The following IL1RAPL1 variants were observed in gnomAD, a reference collection of about 807,000 sequenced individuals.
The protein encoded by IL1RAPL1 is interleukin 1 receptor accessory protein like 1.
IL1RAPL1 carries 3 observed loss-of-function variants against 48.4 expected under a neutral mutation model. That is an observed-to-expected ratio of 0.06 (90% CI 0.03 to 0.16). The LOEUF is 0.16. Ranked by LOEUF, IL1RAPL1 falls within the 10% of genes least tolerant of loss-of-function variation. The pLI, the probability that IL1RAPL1 is intolerant of heterozygous loss-of-function variation, is 1.00. For missense variants in IL1RAPL1, 349 were observed against 530.6 expected, an observed-to-expected ratio of 0.66 and a Z score of 3.36; for synonymous variants, 185 against 187.7, an observed-to-expected ratio of 0.99 and a Z score of 0.12.
At chrX:29,608,710 C>T (rs1037564015) in intron 5 of IL1RAPL1, among the ~76,000 whole-genome samples, 2 of 99,637 alleles carry the variant, frequency 2.0e-5, no homozygotes, top group African/African-American at 7.7e-5. Context: ...CCTGTAGTCT[C>T]AGCTACTCGG....
At chrX:28,597,055 A>G (rs1933963314) in intron 1 of IL1RAPL1, among the ~76,000 whole-genome samples, 1 of 111,028 alleles carries the variant, frequency 9.0e-6, no homozygotes, top group South Asian at 3.8e-4. Context: ...GAGATCAAAA[A>G]TATACTGTAA....
At chrX:29,846,618 T>C (rs759933688) in intron 6 of IL1RAPL1, among the ~76,000 whole-genome samples, 7 of 109,809 alleles carry the variant, frequency 6.4e-5, no homozygotes, top group South Asian at 7.8e-4. Flanking sequence ...AGATCAGTAA[T>C]GCACTGATAC....
chrX:29,252,150 G>C (rs1243401479), intron 2 of IL1RAPL1, among the ~76,000 whole-genome samples: 1 of 112,724 alleles, frequency 8.9e-6, no homozygotes, highest in South Asian at 3.4e-4. Flanking sequence ...AGCTTTAGGA[G>C]ATATACCTAA....
chrX:29,877,933 C>T (rs1183371917), intron 6 of IL1RAPL1, among the ~76,000 whole-genome samples: 23 of 112,170 alleles, frequency 2.1e-4, no homozygotes, highest in Non-Finnish European at 1.1e-4. Context: ...AGAAGACAGA[C>T]ATTTTTGTCA....
intron 3 of IL1RAPL1, among the ~76,000 whole-genome samples, chrX:29,286,270 C>T (rs1473315501): frequency 1.8e-5 from 2 of 111,885 alleles, no homozygotes; most frequent in African/African-American, 3.2e-5. Flanking sequence ...TCAGTTTACT[C>T]ATTCTTAAAT....
intron 2 of IL1RAPL1, among the ~76,000 whole-genome samples, chrX:29,235,722 G>A (rs756596924): frequency 8.0e-5 from 9 of 112,145 alleles, no homozygotes; most frequent in Non-Finnish European, 1.7e-4. Context: ...GATCATAAAA[G>A]CAATTCATAA....
intron 1 of IL1RAPL1, among the ~76,000 whole-genome samples, chrX:28,653,983 T>C (rs1458296443): frequency 1.8e-5 from 2 of 111,631 alleles, no homozygotes; most frequent in Non-Finnish European, 3.8e-5. Flanking sequence ...ATGTGCTCAG[T>C]AAACATTTGT....
intron 5 of IL1RAPL1, among the ~76,000 whole-genome samples, chrX:29,523,245 A>T (rs1361354051): frequency 9.0e-6 from 1 of 111,299 alleles, no homozygotes; most frequent in Non-Finnish European, 1.9e-5. Context: ...TTTATGAGCC[A>T]GGTTTTTGGT....
intron 2 of IL1RAPL1, among the ~76,000 whole-genome samples, chrX:28,932,242 G>A (rs930251813): frequency 2.7e-5 from 3 of 110,468 alleles, no homozygotes; most frequent in African/African-American, 9.8e-5. Flanking sequence ...GATAGGGGTT[G>A]TAATGGAATA....
At chrX:29,379,850 C>T (rs1372708696) in intron 3 of IL1RAPL1, among the ~76,000 whole-genome samples, 2 of 111,200 alleles carry the variant, frequency 1.8e-5, no homozygotes, top group African/African-American at 3.3e-5. Flanking sequence ...GTCTAGTAAG[C>T]CATCTTGTCC....
At chrX:28,972,464 C>T (rs892690234) in intron 2 of IL1RAPL1, among the ~76,000 whole-genome samples, 7 of 111,413 alleles carry the variant, frequency 6.3e-5, no homozygotes, top group East Asian at 2.9e-4. Flanking sequence ...GTGGGTCGGG[C>T]GCGGTGGCTC....
At chrX:29,898,245 G>A (rs1012730381) in intron 6 of IL1RAPL1, among the ~76,000 whole-genome samples, 4 of 112,073 alleles carry the variant, frequency 3.6e-5, no homozygotes, top group Admixed American at 9.5e-5. Context: ...TCGTAGTTAT[G>A]TTTACTAACT....
At chrX:29,835,089 A>T (rs988591848) in intron 6 of IL1RAPL1, among the ~76,000 whole-genome samples, 2 of 112,316 alleles carry the variant, frequency 1.8e-5, no homozygotes, top group African/African-American at 3.2e-5. Context: ...TTTCAAGCAC[A>T]CATTATCAGA....
At chrX:29,343,883 T>C (rs763001772) in intron 3 of IL1RAPL1, among the ~76,000 whole-genome samples, 1 of 111,445 alleles carries the variant, frequency 9.0e-6, no homozygotes, top group South Asian at 3.8e-4. Flanking sequence ...TCTCACTTTC[T>C]CACACACATA....
chrX:29,829,752 T>C (rs975857958), intron 6 of IL1RAPL1, among the ~76,000 whole-genome samples: 5 of 112,245 alleles, frequency 4.5e-5, no homozygotes, highest in African/African-American at 6.5e-5. Flanking sequence ...CCAAAAATTA[T>C]ATTAATATTT....
chrX:29,913,853 C>A (rs978317817), intron 6 of IL1RAPL1, among the ~76,000 whole-genome samples: 1 of 111,387 alleles, frequency 9.0e-6, no homozygotes, highest in East Asian at 2.8e-4. Context: ...CCTGCTCTTG[C>A]GTCATCAGGG....
chrX:29,557,752 A>G (rs373393598), intron 5 of IL1RAPL1, among the ~76,000 whole-genome samples: 1 of 111,443 alleles, frequency 9.0e-6, no homozygotes, highest in African/African-American at 3.3e-5. Context: ...TCCAGATATA[A>G]GTGAGATTAT....
chrX:28,739,498 A>C (rs1465841955), intron 1 of IL1RAPL1, among the ~76,000 whole-genome samples: 1 of 111,161 alleles, frequency 9.0e-6, no homozygotes, highest in East Asian at 2.8e-4. Flanking sequence ...TTTAATACTT[A>C]ACCATACGAG....
intron 3 of IL1RAPL1, among the ~76,000 whole-genome samples, chrX:29,353,165 G>A (rs1158336851): frequency 2.7e-5 from 3 of 111,972 alleles, no homozygotes; most frequent in Admixed American, 1.9e-4. Flanking sequence ...TGTCTTAGAA[G>A]AAAGAGGGCA....
Sources: allele counts gnomAD v4.1 joint callset (sites outside exome capture counted in the v4.1 genomes callset), GRCh38; gene constraint gnomAD v4.1.1; transcripts MANE v1.5; gene names NCBI Gene and HGNC (gene_info 2026-07-23, HGNC 2026-07-21).